Variants in HPSE2 observed in about 807,000 individuals in gnomAD.
HPSE2 encodes the protein heparanase 2 (inactive).
HPSE2 carries 38 observed loss-of-function variants against 60.5 expected under a neutral mutation model. That is an observed-to-expected ratio of 0.63 (90% CI 0.48 to 0.82). HPSE2 has a LOEUF of 0.82. Ranked by LOEUF, HPSE2 falls within the 40% of genes least tolerant of loss-of-function variation. HPSE2 has a pLI of 0.00. For synonymous variants in HPSE2, 295 were observed against 293.2 expected (o/e 1.01, Z -0.06); for missense variants, 713 against 740.4 (o/e 0.96, Z 0.43).
intron 9 of HPSE2, among the ~76,000 whole-genome samples, chr10:98,601,530 T>C (rs1022782674): frequency 1.3e-5 from 2 of 152,182 alleles, no homozygotes; most frequent in Admixed American, 1.3e-4. Flanking sequence ...TCTCTGCATG[T>C]TCTTGATGAG....
intron 4 of HPSE2, among the ~76,000 whole-genome samples, chr10:98,733,183 C>T (rs1451020010): frequency 6.6e-6 from 1 of 152,070 alleles, no homozygotes; most frequent in African/African-American, 2.4e-5. Context: ...TGCAGTGGTG[C>T]GACCTTGGCT....
At chr10:98,665,944 T>G (rs1203821180) in intron 6 of HPSE2, among the ~76,000 whole-genome samples, 1 of 152,108 alleles carries the variant, frequency 6.6e-6, no homozygotes, top group East Asian at 1.9e-4. Flanking sequence ...ATACTAACCC[T>G]GAATGTGAAT....
chr10:99,192,338 G>A (rs1848250139), intron 2 of HPSE2, among the ~76,000 whole-genome samples: 1 of 152,112 alleles, frequency 6.6e-6, no homozygotes, highest in African/African-American at 2.4e-5. Context: ...GTTAGAGAAA[G>A]GATCCTAAAA....
At chr10:98,837,000 G>A (rs371763393) in intron 3 of HPSE2, among the ~76,000 whole-genome samples, 17 of 152,166 alleles carry the variant, frequency 1.1e-4, no homozygotes, top group African/African-American at 3.6e-4. Context: ...AGCTGAGACG[G>A]TGCCACTGCA....
intron 9 of HPSE2, among the ~76,000 whole-genome samples, chr10:98,602,383 G>C (rs1945452803): frequency 6.6e-6 from 1 of 152,140 alleles, no homozygotes; most frequent in Admixed American, 6.5e-5. Flanking sequence ...GCTTTGGAAG[G>C]GCTGAAAACA....
Position 98,935,199 on chromosome 10 carries a change from G to A in HPSE2, c.611-191143C>T, listed in dbSNP as rs1299480156. ...ACAGCTCCTGTAATCTTTTATCATG[G>A]TTCTTAGCTTCTTTGCATTGGGTTA... On this transcript the variant is annotated intron_variant, in intron 3 of 11. Transcript: ENST00000370552. Among the ~76,000 whole-genome samples, 2 of 142,266 alleles carry A rather than the reference G, an allele frequency of 1.4e-5. 1 individual carries two copies. The highest frequency in any genetic ancestry group is 5.8e-5 in the African/African-American group (2 of 34,454). 93.3% of individuals were successfully genotyped at this position (142,266 alleles called of 152,430 possible). A position where few individuals can be genotyped will look rare whatever the true frequency, so the allele number is the denominator to read the frequency against.
intron 3 of HPSE2, among the ~76,000 whole-genome samples, chr10:98,975,542 G>A (rs1174683731): frequency 1.3e-5 from 2 of 152,116 alleles, no homozygotes; most frequent in East Asian, 1.9e-4. Flanking sequence ...CAGTTGCTGA[G>A]ATTAGAATGT....
rs1429066787 is a variant in HPSE2, at chr10:98,744,020, C to T, written c.647G>A (p.Cys216Tyr). 1 of 1,614,078 alleles carries T rather than the reference C, an allele frequency of 6.2e-7. No individual in the cohort carries two copies. ...AGCAAATATCAGGTGGAGTCCAGAG[C>T]AATCAGCAAAGTTATAAAGTTTGTC... Reference protein sequence around the residue: ...SLDKLYNFADCSGLHLIFALN... With the variant: ...SLDKLYNFADYSGLHLIFALN... The change falls in exon 4 of 12, where the codon TGC becomes TAC. Residue 216 changes from cysteine to tyrosine, a missense_variant. Cys to Tyr is a radical substitution (Grantham distance 194). Coordinates refer to ENST00000370552, the MANE Select transcript of HPSE2 (RefSeq NM_021828.5).
intron 5 of HPSE2, among the ~76,000 whole-genome samples, chr10:98,702,735 A>G (rs1008498744): frequency 6.6e-6 from 1 of 152,202 alleles, no homozygotes; most frequent in African/African-American, 2.4e-5. Context: ...CTTTTAAACC[A>G]ATGAAAACAG....
At chr10:98,922,513 C>G (rs541550838) in intron 3 of HPSE2, among the ~76,000 whole-genome samples, 51 of 152,224 alleles carry the variant, frequency 3.4e-4, no homozygotes, top group African/African-American at 1.2e-3. Context: ...GCATGCTTGA[C>G]CAGTCAGAAA....
chr10:98,726,131 C>T (rs1949071988), intron 4 of HPSE2, among the ~76,000 whole-genome samples: 2 of 152,202 alleles, frequency 1.3e-5, no homozygotes, highest in African/African-American at 4.8e-5. Context: ...CATCCCATTA[C>T]TGGGTATATA....
intron 9 of HPSE2, among the ~76,000 whole-genome samples, chr10:98,525,200 G>A (rs1490905215): frequency 6.6e-6 from 1 of 152,108 alleles, no homozygotes; most frequent in African/African-American, 2.4e-5. Context: ...TAGTAGAGAC[G>A]GGGTTTCACT....
intron 3 of HPSE2, among the ~76,000 whole-genome samples, chr10:98,780,520 T>C (rs2134450447): frequency 6.6e-6 from 1 of 152,248 alleles, no homozygotes; most frequent in Non-Finnish European, 1.5e-5. Flanking sequence ...CAATTAAAAA[T>C]CAATAGCAGT....
chr10:99,278,947 T>C, the HPSE2 span, among the ~76,000 whole-genome samples: 90 of 152,318 alleles, frequency 5.9e-4, no homozygotes, highest in Non-Finnish European at 4.6e-4. Context: ...GACTATGTTC[T>C]AGGCAAGTAT....
At chr10:98,883,254 G>C (rs1019671521) in intron 3 of HPSE2, among the ~76,000 whole-genome samples, 1 of 152,036 alleles carries the variant, frequency 6.6e-6, no homozygotes, top group Non-Finnish European at 1.5e-5. Flanking sequence ...ATGATGGCTT[G>C]TATCCAAGTA....
chr10:99,167,120 C>T (rs1302155856), intron 2 of HPSE2, among the ~76,000 whole-genome samples: 1 of 152,084 alleles, frequency 6.6e-6, no homozygotes, highest in Non-Finnish European at 1.5e-5. Context: ...AAGCAATTCT[C>T]CTGTCTCAGC....
chr10:99,168,226 G>A (rs1259290308), intron 2 of HPSE2, among the ~76,000 whole-genome samples: 1 of 151,964 alleles, frequency 6.6e-6, no homozygotes, highest in African/African-American at 2.4e-5. Context: ...ATATCTCCAT[G>A]TAGGTCTTCA....
chr10:98,721,549 C>G, intron 5 of HPSE2, 108 bp downstream of exon 5: 2 of 1,162,312 alleles, frequency 1.7e-6, no homozygotes, highest in Non-Finnish European at 2.4e-6. Context: ...CTCCTTTTTT[C>G]TTAAGACCAA....
intron 3 of HPSE2, among the ~76,000 whole-genome samples, chr10:99,088,366 C>T (rs1474944816): frequency 6.6e-6 from 1 of 152,128 alleles, no homozygotes; most frequent in African/African-American, 2.4e-5. Flanking sequence ...CTACCTCCTA[C>T]CCTTTCCCCT....
Sources: gnomAD v4.1 joint callset for allele counts (sites outside exome capture counted in the v4.1 genomes callset) on GRCh38, gnomAD v4.1.1 for gene constraint, MANE v1.5 for transcripts, NCBI Gene and HGNC (gene_info 2026-07-23, HGNC 2026-07-21) for gene names.